The following PHEX variants were observed in gnomAD, a reference collection of about 807,000 sequenced individuals.
The protein encoded by PHEX is phosphate-regulating neutral endopeptidase PHEX.
In PHEX, 16 loss-of-function variants were observed where a neutral mutation model predicts 68.0. That is an observed-to-expected ratio of 0.24 (90% CI 0.16 to 0.36). The LOEUF (loss-of-function observed/expected upper bound fraction) is 0.36. PHEX is among the 10% of genes least tolerant of loss of function. PHEX has a pLI of 1.00. For missense variants in PHEX, 480 were observed against 575.5 expected (o/e 0.83, Z 1.70); for synonymous variants, 208 against 205.1 (o/e 1.01, Z -0.12).
At chrX:22,214,645 G>C (rs1205785444) in intron 16 of PHEX, among the ~76,000 whole-genome samples, 2 of 111,822 alleles carry the variant, frequency 1.8e-5, no homozygotes, top group African/African-American at 6.5e-5. Context: ...CTCCTACCAG[G>C]GGTACCTGGC....
At chrX:22,074,870 G>A (rs750133749) in intron 3 of PHEX, among the ~76,000 whole-genome samples, 17 of 111,321 alleles carry the variant, frequency 1.5e-4, no homozygotes, top group Middle Eastern at 4.7e-3. Flanking sequence ...GAGGTCAGGC[G>A]TTTGAGACCA....
intron 7 of PHEX, among the ~76,000 whole-genome samples, chrX:22,094,842 T>C (rs942296727): frequency 1.8e-5 from 2 of 112,175 alleles, no homozygotes; most frequent in Non-Finnish European, 3.8e-5. Flanking sequence ...TTAGCTTTGT[T>C]TATGGAATAA....
intron 11 of PHEX, among the ~76,000 whole-genome samples, chrX:22,115,972 C>A (rs1244399344): frequency 2.7e-5 from 3 of 112,323 alleles, no homozygotes; most frequent in Non-Finnish European, 5.6e-5. Context: ...GATATATACC[C>A]AGTAGTGGGA....
chrX:22,082,020 G>A (rs61523505), intron 5 of PHEX, among the ~76,000 whole-genome samples: 6,745 of 111,818 alleles, frequency 0.06, 279 homozygotes, highest in African/African-American at 0.15. Context: ...AGCAAAACTC[G>A]TAAAAAATGG....
intron 2 of PHEX, among the ~76,000 whole-genome samples, chrX:22,044,135 C>G (rs1927405346): frequency 9.0e-6 from 1 of 110,577 alleles, no homozygotes; most frequent in Admixed American, 9.7e-5. Context: ...TAGGTACCTG[C>G]AAGAATACTG....
intron 14 of PHEX, among the ~76,000 whole-genome samples, chrX:22,182,129 G>A (rs1933900342): frequency 9.0e-6 from 1 of 111,529 alleles, no homozygotes; most frequent in South Asian, 3.8e-4. Flanking sequence ...AGTGGTAAAA[G>A]TGGACATCCT....
chrX:22,066,077 T>A (rs1928586153), intron 3 of PHEX, among the ~76,000 whole-genome samples: 1 of 112,095 alleles, frequency 8.9e-6, no homozygotes, highest in Non-Finnish European at 1.9e-5. Flanking sequence ...ATGATAAAAC[T>A]GAGGAGAAAG....
intron 3 of PHEX, among the ~76,000 whole-genome samples, chrX:22,053,518 C>T (rs1348324605): frequency 4.5e-5 from 5 of 111,335 alleles, no homozygotes; most frequent in East Asian, 5.6e-4. Flanking sequence ...TTTAAAAAGC[C>T]GAATATAATC....
At chrX:22,117,804 G>A (rs113548097) in intron 11 of PHEX, among the ~76,000 whole-genome samples, 2,637 of 110,969 alleles carry the variant, frequency 0.024, 78 homozygotes, top group African/African-American at 0.082. Flanking sequence ...TCTCTTTAAC[G>A]TAAAATTGTT....
At chrX:22,160,040 A>G (rs894634033) in intron 12 of PHEX, among the ~76,000 whole-genome samples, 1 of 112,092 alleles carries the variant, frequency 8.9e-6, no homozygotes, top group Non-Finnish European at 1.9e-5. Context: ...ATGTTCTTTC[A>G]GCATTAAGGA....
At chrX:22,190,421 G>A (rs1934161929) in intron 14 of PHEX, 23 bp from the exon 15 acceptor site, 2 of 1,124,848 alleles carry the variant, frequency 1.8e-6, no homozygotes, top group Non-Finnish European at 2.5e-6. Context: ...ATTGCTCTCT[G>A]GCATTTGTTT....
chrX:22,208,175 C>T (rs1934773833), intron 15 of PHEX, among the ~76,000 whole-genome samples: 1 of 109,977 alleles, frequency 9.1e-6, no homozygotes, highest in African/African-American at 3.3e-5. Context: ...TTTTACGAGC[C>T]ACCACCCCAA....
intron 13 of PHEX, among the ~76,000 whole-genome samples, chrX:22,176,820 A>C (rs191751087): frequency 5.4e-5 from 6 of 111,674 alleles, no homozygotes; most frequent in Non-Finnish European, 1.1e-4. Context: ...TTTTAAGATT[A>C]TTTCATGTTC....
chrX:22,199,542 A>G (rs5904510), intron 15 of PHEX, among the ~76,000 whole-genome samples: 57,020 of 110,117 alleles, frequency 0.52, 12,008 homozygotes, highest in African/African-American at 0.78. Flanking sequence ...GCTCTGTGCC[A>G]CCTGGGACGT....
In PHEX at chrX:22,113,270, A is replaced by T. The variant is rs1461602604; in HGVS notation, c.1174-1188A>T. Among the ~76,000 whole-genome samples, 5 of 111,734 alleles carry T rather than the reference A, an allele frequency of 4.5e-5. No homozygotes were observed. The East Asian group carries it at 1.4e-3, about 31-fold the overall frequency. ...CTTTCTCTAGAGGTTTTAAAAATAG[A>T]TTCATCGCTTACCTCTGAGAGAGGT... is the stretch of plus-strand genomic sequence containing the variant. On this transcript the variant is annotated intron_variant, in intron 10 of 21. Transcript: ENST00000379374.
intron 11 of PHEX, among the ~76,000 whole-genome samples, chrX:22,118,619 C>T (rs1343266747): frequency 9.0e-6 from 1 of 111,091 alleles, no homozygotes; most frequent in Non-Finnish European, 1.9e-5. Flanking sequence ...GTTTTGAGAA[C>T]CTCTTGATGA....
chrX:22,062,981 G>A lies in PHEX; in HGVS notation c.350-13407G>A, dbSNP rs182864024. Reference sequence around the variant, plus strand: ...TCACCATGTTGGACAGGCTGGTCTCGAACCCCTGACCTCAAGTGATCCGCC... The same window carrying A: ...TCACCATGTTGGACAGGCTGGTCTCAAACCCCTGACCTCAAGTGATCCGCC... On this transcript the variant is annotated intron_variant, in intron 3 of 21. Coordinates refer to ENST00000379374, the MANE Select transcript of PHEX (RefSeq NM_000444.6). 3.9e-4 allele frequency among the ~76,000 whole-genome samples: 43 copies of A among 111,040 alleles called. 1 individual carries two copies. The highest frequency in any genetic ancestry group is 1.7e-4 in the Non-Finnish European group (9 of 53,043).
Position 22,226,405 on chromosome X carries a change from G to T in PHEX, c.1900-38G>T, listed in dbSNP as rs141696848. ...TGAATGATAGTTGACCGTGAAACAC[G>T]CATTCATTTTTTTTTTTTCCTTTTT... On this transcript the variant is annotated intron_variant, in intron 18 of 21. Transcript: ENST00000379374. 2.2e-3 allele frequency: 2,080 copies of T among 948,869 alleles called. 25 individuals carry two copies. In the African/African-American group the frequency reaches 0.036, roughly 17 times the overall value. The allele number at this position is 948,869 out of a possible 1,213,427, so 78.2% of individuals were successfully genotyped here.
At chrX:22,235,722 T>C (rs189382153) in intron 20 of PHEX, among the ~76,000 whole-genome samples, 68 of 111,523 alleles carry the variant, frequency 6.1e-4, no homozygotes, top group African/African-American at 2.2e-3. Flanking sequence ...GCATCCCCAT[T>C]ACCCTATCTT....
Sources: allele counts gnomAD v4.1 joint callset (sites outside exome capture counted in the v4.1 genomes callset), GRCh38; gene constraint gnomAD v4.1.1; transcripts MANE v1.5; gene names NCBI Gene and HGNC (gene_info 2026-07-23, HGNC 2026-07-21).